Variants in DOCK1 observed in about 807,000 individuals in gnomAD.
DOCK1 encodes dedicator of cytokinesis protein 1.
A neutral mutation model predicts 262.7 loss-of-function variants in DOCK1; 138 were observed. That is an observed-to-expected ratio of 0.53 (90% CI 0.46 to 0.61). The LOEUF (loss-of-function observed/expected upper bound fraction) is 0.61. Ranked by LOEUF, DOCK1 falls within the 20% of genes least tolerant of loss-of-function variation. The probability of loss-of-function intolerance (pLI) is 0.00; values close to 1 mark genes in which losing one functional copy is unlikely to be tolerated. For synonymous variants in DOCK1, 866 were observed against 867.4 expected (o/e 1.00, Z 0.03); for missense variants, 1,908 against 2,370.7 (o/e 0.80, Z 4.05).
chr10:127,347,400 C>T lies in DOCK1; in HGVS notation c.3224+3654C>T, dbSNP rs931552059. 4.6e-5 allele frequency among the ~76,000 whole-genome samples: 7 copies of T among 152,304 alleles called. No individual in the cohort carries two copies. The East Asian group carries it at 1.2e-3, about 25-fold the overall frequency. On this transcript the variant is annotated intron_variant, in intron 31 of 51. Transcript: ENST00000623213. ...GGGCCTTGGCAGCCCGGAGACGGCC[C>T]GTGGGGCTCAGCCGTGGGAGACAGA...
At chr10:127,033,091 G>A (rs2043352508) in intron 18 of DOCK1, among the ~76,000 whole-genome samples, 1 of 152,186 alleles carries the variant, frequency 6.6e-6, no homozygotes, top group African/African-American at 2.4e-5. Context: ...GCCTCAAAGG[G>A]CTTAGTGAGG....
At chr10:126,909,488 G>C (rs908805798) in intron 1 of DOCK1, among the ~76,000 whole-genome samples, 1 of 152,166 alleles carries the variant, frequency 6.6e-6, no homozygotes, top group African/African-American at 2.4e-5. Context: ...GATGATGGGA[G>C]AGAAGCTTGC....
chr10:127,353,032 G>C (rs1054074484), intron 31 of DOCK1, among the ~76,000 whole-genome samples: 2 of 152,166 alleles, frequency 1.3e-5, no homozygotes, highest in Non-Finnish European at 2.9e-5. Context: ...TCTGCTGGGG[G>C]ACATGGGCGC....
rs1190389628 is a variant in DOCK1, at chr10:127,100,037, A to G, written c.2446-6194A>G. ...GGTGGGAGAGAGTCCTGCAGGTACC[A>G]AGGGTGAGTCTGGGGTGGTGGGGCC... is the stretch of plus-strand genomic sequence containing the variant. On this transcript the variant is annotated intron_variant, in intron 23 of 51. Transcript: ENST00000623213. This position sits in a 1 kb window ranked among gnomAD's most constrained non-coding sequence, Gnocchi z 5.5. Among the ~76,000 whole-genome samples the G allele has an allele frequency of 6.6e-6, 1 of 152,086 alleles. No individual in the cohort carries two copies. Among genetic ancestry groups the G allele is most frequent in the Non-Finnish European group, 1.5e-5 (1 of 68,000 alleles).
intron 51 of DOCK1, among the ~76,000 whole-genome samples, chr10:127,450,153 G>T (rs2070862419): frequency 6.6e-6 from 1 of 152,068 alleles, no homozygotes; most frequent in East Asian, 1.9e-4. Flanking sequence ...ACACTCATAG[G>T]ACATCTTTAT....
intron 22 of DOCK1, among the ~76,000 whole-genome samples, chr10:127,060,720 T>G (rs757958290): frequency 6.6e-5 from 10 of 152,228 alleles, no homozygotes; most frequent in Non-Finnish European, 1.5e-4. Context: ...ATGTAACCAA[T>G]GCACAACTTC....
chr10:127,069,960 G>T (rs928007631), intron 23 of DOCK1, among the ~76,000 whole-genome samples: 5 of 152,162 alleles, frequency 3.3e-5, no homozygotes, highest in African/African-American at 1.2e-4. Context: ...TGGCGGCAGG[G>T]CAGGTTCCTT....
chr10:127,406,357 C>T (rs559356379), intron 40 of DOCK1, among the ~76,000 whole-genome samples: 6 of 152,268 alleles, frequency 3.9e-5, no homozygotes, highest in African/African-American at 7.2e-5. Flanking sequence ...GCTCCAGGGG[C>T]GGTGCTGGGT....
chr10:127,020,296 G>A (rs941634810), intron 13 of DOCK1, among the ~76,000 whole-genome samples: 1 of 152,194 alleles, frequency 6.6e-6, no homozygotes, highest in African/African-American at 2.4e-5. Flanking sequence ...TTGGCAATAT[G>A]CATTTATCTT....
chr10:127,027,876 C>T (rs1366564108), intron 16 of DOCK1, among the ~76,000 whole-genome samples: 2 of 151,964 alleles, frequency 1.3e-5, no homozygotes, highest in African/African-American at 2.4e-5. Context: ...TGCAGATCAT[C>T]GAGAAGCTTG....
chr10:127,255,354 C>T (rs961139319), intron 28 of DOCK1, among the ~76,000 whole-genome samples: 5 of 151,978 alleles, frequency 3.3e-5, no homozygotes, highest in East Asian at 1.9e-4. Context: ...GAACTAAGAT[C>T]GTGCCACTGT....
At chr10:127,094,417 A>G (rs987067256) in intron 23 of DOCK1, among the ~76,000 whole-genome samples, 3 of 152,074 alleles carry the variant, frequency 2.0e-5, no homozygotes, top group African/African-American at 2.4e-5. Context: ...TCCACTCTGC[A>G]TTCACTTTTT....
intron 31 of DOCK1, chr10:127,344,050 G>A (rs1026464799): frequency 2.2e-5 from 6 of 270,098 alleles, no homozygotes; most frequent in Non-Finnish European, 3.4e-5. Context: ...TTTCACATGT[G>A]GTTGACTTTA....
At chr10:126,931,912 C>G (rs1359652685) in intron 1 of DOCK1, among the ~76,000 whole-genome samples, 5 of 152,116 alleles carry the variant, frequency 3.3e-5, no homozygotes, top group African/African-American at 1.2e-4. Context: ...ACTCAATCTC[C>G]CCTTCCAGAG....
intron 25 of DOCK1, among the ~76,000 whole-genome samples, chr10:127,124,817 GA>G (rs1242945402): frequency 6.6e-6 from 1 of 152,164 alleles, no homozygotes; most frequent in Non-Finnish European, 1.5e-5. Flanking sequence ...GCATAGATGA[GA>G]AAAGCTGCAA....
intron 27 of DOCK1, among the ~76,000 whole-genome samples, chr10:127,206,687 C>G (rs1283145364): frequency 2.0e-5 from 3 of 152,162 alleles, no homozygotes; most frequent in African/African-American, 7.2e-5. Context: ...GTGTACTTCC[C>G]AAAGAGCCAG....
At chr10:127,214,906 C>T (rs760140056) in intron 27 of DOCK1, among the ~76,000 whole-genome samples, 9 of 152,138 alleles carry the variant, frequency 5.9e-5, no homozygotes, top group African/African-American at 1.7e-4. Flanking sequence ...TAAACATATG[C>T]GTGTAGTTTC....
intron 1 of DOCK1, among the ~76,000 whole-genome samples, chr10:126,931,059 T>C (rs2034150060): frequency 6.6e-6 from 1 of 151,414 alleles, no homozygotes; most frequent in African/African-American, 2.4e-5. Context: ...TATTTTGGAG[T>C]TGGGAATTCT....
In DOCK1 at chr10:127,021,705, C is replaced by T. The variant is rs147200618; in HGVS notation, c.1328-1495C>T. Among the ~76,000 whole-genome samples, 28 of 152,244 alleles carry T rather than the reference C, an allele frequency of 1.8e-4. 1 individual carries two copies. Among genetic ancestry groups the T allele is most frequent in the African/African-American group, 6.3e-4 (26 of 41,544 alleles). ...GGTCAGTATCAGTGGGCGGCAGCCG[C>T]GCCTCCTTCCACACAGCTACTGTGG... On this transcript the variant is annotated intron_variant, in intron 13 of 51. Transcript: ENST00000623213.
Sources: allele counts gnomAD v4.1 joint callset (sites outside exome capture counted in the v4.1 genomes callset), GRCh38; gene constraint gnomAD v4.1.1; non-coding constraint Gnocchi (gnomAD v3.1); transcripts MANE v1.5; gene names NCBI Gene and HGNC (gene_info 2026-07-23, HGNC 2026-07-21).